Variants in MYRIP observed in about 807,000 individuals in gnomAD.
The protein encoded by MYRIP is myosin VIIA and Rab interacting protein.
Under a neutral mutation model 98.0 loss-of-function variants are expected in MYRIP, and 49 were observed. The observed-to-expected ratio is 0.50, with a 90% CI of 0.40 to 0.63. MYRIP has a LOEUF of 0.63. MYRIP is among the 30% of genes least tolerant of loss of function. MYRIP has a pLI of 0.00. For synonymous variants in MYRIP, 404 were observed against 409.5 expected (o/e 0.99, Z 0.16); for missense variants, 1,004 against 1,058.2 (o/e 0.95, Z 0.71).
At chr3:40,065,145 T>C (rs1159089358) in intron 3 of MYRIP, among the ~76,000 whole-genome samples, 1 of 152,224 alleles carries the variant, frequency 6.6e-6, no homozygotes, top group Non-Finnish European at 1.5e-5. Context: ...CAGCTTCTGG[T>C]GGTTTGACAA....
intron 4 of MYRIP, among the ~76,000 whole-genome samples, chr3:40,154,870 C>T (rs1380537694): frequency 1.3e-5 from 2 of 152,074 alleles, no homozygotes; most frequent in Non-Finnish European, 2.9e-5. Context: ...TATTAATATA[C>T]TTAATCTTCA....
At chr3:40,113,940 T>C (rs554698679) in intron 3 of MYRIP, among the ~76,000 whole-genome samples, 1 of 151,276 alleles carries the variant, frequency 6.6e-6, no homozygotes, top group East Asian at 2.0e-4. Context: ...CCGCCCGCCT[T>C]GGCCTCCCAA....
At chr3:39,938,282 T>G (rs1045020060) in intron 2 of MYRIP, among the ~76,000 whole-genome samples, 13 of 152,202 alleles carry the variant, frequency 8.5e-5, no homozygotes, top group African/African-American at 3.1e-4. Flanking sequence ...TCTGGTTTCC[T>G]TTGTTCAGTC....
intron 1 of MYRIP, among the ~76,000 whole-genome samples, chr3:39,852,546 C>T (rs1404249765): frequency 6.6e-6 from 1 of 152,102 alleles, no homozygotes; most frequent in Non-Finnish European, 1.5e-5. Flanking sequence ...CCACTCCCCC[C>T]TTCCCCCTGA....
At chr3:39,832,148 A>G (rs529140553) in intron 1 of MYRIP, among the ~76,000 whole-genome samples, 1 of 152,158 alleles carries the variant, frequency 6.6e-6, no homozygotes, top group Non-Finnish European at 1.5e-5. Context: ...GGCTTTATTT[A>G]TGTTCTGGAA....
intron 10 of MYRIP, among the ~76,000 whole-genome samples, chr3:40,205,529 C>T (rs527354322): frequency 2.0e-5 from 3 of 152,128 alleles, no homozygotes; most frequent in Non-Finnish European, 4.4e-5. Flanking sequence ...TTTGAGACAC[C>T]ACACCAGTGG....
Position 40,190,132 on chromosome 3 carries a change from C to T in MYRIP, c.1334C>T (p.Ser445Phe), listed in dbSNP as rs1210357519. The T allele has an allele frequency of 1.2e-6, 2 of 1,613,944 alleles. No individual in the cohort carries two copies. The highest frequency in any genetic ancestry group is 4.5e-5 in the East Asian group (2 of 44,868). Residue 445 changes from serine to phenylalanine, a missense_variant, in exon 10 of 17, where the codon TCC (serine) becomes TTC (phenylalanine). Around this residue, in one of 3 missense-constraint regions of MYRIP, gnomAD observed 880 missense variants for 907.7 expected, o/e 0.97. Transcript: ENST00000302541. ...PIAASPSSALSPNPEAMCSDS... is the reference protein window; with the variant it reads ...PIAASPSSALFPNPEAMCSDS... ...GCTGCCTCCCCATCCTCTGCACTCT[C>T]CCCCAACCCTGAGGCCATGTGCTCT...
rs140593060 is a variant in MYRIP, at chr3:39,932,800, C to A, written c.110+31874C>A. Among the ~76,000 whole-genome samples the A allele has an allele frequency of 2.5e-3, 380 of 152,264 alleles. 3 individuals carry two copies. Among genetic ancestry groups the A allele is most frequent in the African/African-American group, 8.6e-3 (358 of 41,558 alleles). On this transcript the variant is annotated intron_variant, in intron 2 of 16. Transcript: ENST00000302541. ...CTAATAGCATTGAGGCTGCTTTCTACCTTTAGGGTATATGTCTTACACATT... is the reference window on the plus strand; with the variant it reads ...CTAATAGCATTGAGGCTGCTTTCTAACTTTAGGGTATATGTCTTACACATT...
At chr3:39,907,113 T>C (rs547482938) in intron 2 of MYRIP, among the ~76,000 whole-genome samples, 1 of 152,114 alleles carries the variant, frequency 6.6e-6, no homozygotes, top group African/African-American at 2.4e-5. Flanking sequence ...TGTGTCTGCT[T>C]GGGTGTTGGG....
At chr3:40,252,730 C>T (rs1953415576) in intron 16 of MYRIP, among the ~76,000 whole-genome samples, 1 of 152,164 alleles carries the variant, frequency 6.6e-6, no homozygotes, top group African/African-American at 2.4e-5. Context: ...ACAAGCCTAC[C>T]AAGCCTGTTG....
At chr3:40,191,833 C>T (rs1447936193) in intron 10 of MYRIP, among the ~76,000 whole-genome samples, 1 of 152,110 alleles carries the variant, frequency 6.6e-6, no homozygotes, top group African/African-American at 2.4e-5. Flanking sequence ...TGTCCAGAAA[C>T]ATGGAATGAT....
At chr3:39,898,189 C>T (rs955668022) in intron 1 of MYRIP, among the ~76,000 whole-genome samples, 5 of 152,088 alleles carry the variant, frequency 3.3e-5, no homozygotes, top group African/African-American at 1.2e-4. Context: ...TAGGTTTCTT[C>T]CTGCCCTCAA....
At position 40,166,900 on chromosome 3, in the gene MYRIP, T is replaced by C. The variant is rs375600947; in HGVS notation, c.605T>C (p.Ile202Thr). 20 of 1,613,888 alleles carry C rather than the reference T, an allele frequency of 1.2e-5. No individual in the cohort carries two copies. The highest frequency in any genetic ancestry group is 1.1e-4 in the South Asian group (10 of 91,070). Residue 202 changes from isoleucine to threonine, a missense_variant, in exon 6 of 17, where the codon ATT becomes ACT. This residue lies in a region of MYRIP where 880 missense variants were observed against 907.7 expected (regional missense o/e 0.97). Coordinates refer to ENST00000302541, the MANE Select transcript of MYRIP (RefSeq NM_015460.4). Reference protein sequence around the residue: ...AVALRVAEEAIEEAISKAEAY... With the variant: ...AVALRVAEEATEEAISKAEAY... ...GCCCTACGGGTGGCTGAAGAGGCCA[T>C]TGAGGAAGCAATTTCCAAAGCAGAG...
chr3:39,919,727 T>TGTGA lies in MYRIP; in HGVS notation c.110+18802_110+18803insTGAG, dbSNP rs1553645683. On this transcript the variant is annotated intron_variant, in intron 2 of 16. Transcript: ENST00000302541. ...GTGTGTGTGTGTGTGTGTGTGTGTGTGAGAGAGAGAGAGAGAGAGAGAAAT... is the reference window on the plus strand; with the variant it reads ...GTGTGTGTGTGTGTGTGTGTGTGTGTGTGAGAGAGAGAGAGAGAGAGAGAGAAAT... Among the ~76,000 whole-genome samples, 875 of 123,332 alleles carry TGTGA rather than the reference T, an allele frequency of 7.1e-3. 14 individuals carry two copies. The highest frequency in any genetic ancestry group is 0.069 in the East Asian group (297 of 4,314). The allele number at this position is 123,332 out of a possible 152,430, so 80.9% of individuals were successfully genotyped here.
intron 2 of MYRIP, among the ~76,000 whole-genome samples, chr3:39,960,760 G>T (rs1320427884): frequency 3.9e-5 from 6 of 152,172 alleles, no homozygotes; most frequent in Non-Finnish European, 8.8e-5. Flanking sequence ...GCTAATGAGG[G>T]AATCAAGGCA....
At chr3:39,813,155 T>C (rs553017995) in intron 1 of MYRIP, among the ~76,000 whole-genome samples, 1 of 152,350 alleles carries the variant, frequency 6.6e-6, no homozygotes, top group South Asian at 2.1e-4. Context: ...GGCTGGTATC[T>C]CTTTTCACAG....
At chr3:39,960,816 T>C (rs1945304367) in intron 2 of MYRIP, among the ~76,000 whole-genome samples, 1 of 152,136 alleles carries the variant, frequency 6.6e-6, no homozygotes, top group Non-Finnish European at 1.5e-5. Flanking sequence ...GCCACTTTAG[T>C]TGGTTCTGGT....
chr3:40,160,282 G>C (rs1041433356), intron 4 of MYRIP, among the ~76,000 whole-genome samples: 5 of 152,220 alleles, frequency 3.3e-5, no homozygotes, highest in African/African-American at 9.7e-5. Context: ...CCCTACTGGG[G>C]GGTGCCTCCC....
chr3:39,881,715 G>A (rs770293265), intron 1 of MYRIP, among the ~76,000 whole-genome samples: 1 of 152,024 alleles, frequency 6.6e-6, no homozygotes, highest in African/African-American at 2.4e-5. Context: ...CTTCATTTTT[G>A]GAGGACCCTG....
Sources: gnomAD v4.1 joint callset for allele counts (sites outside exome capture counted in the v4.1 genomes callset) on GRCh38, gnomAD v4.1.1 for gene constraint, gnomAD v4.1.1 regional missense constraint, MANE v1.5 for transcripts, NCBI Gene and HGNC (gene_info 2026-07-23, HGNC 2026-07-21) for gene names.